POLR2F: variants seen among roughly 807,000 people sequenced by gnomAD.
POLR2F encodes DNA-directed RNA polymerases I, II, and III subunit RPABC2.
In POLR2F, 12 loss-of-function variants were observed where a neutral mutation model predicts 22.7. The observed-to-expected ratio is 0.53, with a 90% CI of 0.34 to 0.86. POLR2F has a LOEUF of 0.86. POLR2F is among the 40% of genes least tolerant of loss of function. The pLI, the probability that POLR2F is intolerant of heterozygous loss-of-function variation, is 0.02. For synonymous variants in POLR2F, 57 were observed against 66.0 expected, an observed-to-expected ratio of 0.86 and a Z score of 0.66; for missense variants, 126 against 171.5, an observed-to-expected ratio of 0.73 and a Z score of 1.48.
chr22:38,038,670 C>T (rs2085139994), intron 5 of POLR2F, among the ~76,000 whole-genome samples: 1 of 152,104 alleles, frequency 6.6e-6, no homozygotes, highest in Non-Finnish European at 1.5e-5. Flanking sequence ...AACATGGCTT[C>T]TGGGCATTGG....
At chr22:37,971,316 C>T (rs1451399174), downstream of POLR2F, 6 of 470,828 alleles carry the variant, frequency 1.3e-5, no homozygotes, top group East Asian at 6.9e-5. Flanking sequence ...ATTGAGATAA[C>T]GATCGGACCT....
chr22:38,005,568 C>T (rs1386264204), intron 1 of POLR2F, among the ~76,000 whole-genome samples: 3 of 152,198 alleles, frequency 2.0e-5, no homozygotes, highest in African/African-American at 7.2e-5. Flanking sequence ...GCCTGGGGGC[C>T]AGAGAGGAGA....
At position 37,968,559 on chromosome 22, in the gene POLR2F, G is replaced by A. The variant is rs1443913682; in HGVS notation, c.*844G>A. ...CAGAGCTGGAGTTCCCCCTTCCTCT[G>A]CCTGAGGTTCTAATGGGTCCTCTTC... On this transcript the variant is annotated 3_prime_UTR_variant, in exon 5 of 5. Transcript: ENST00000442738. 4 of 985,656 alleles carry A rather than the reference G, an allele frequency of 4.1e-6. No individual in the cohort carries two copies. The highest frequency in any genetic ancestry group is 4.8e-6 in the Non-Finnish European group (4 of 830,220). 61.1% of individuals were successfully genotyped at this position (985,656 alleles called of 1,614,324 possible).
In POLR2F at chr22:37,999,620, G is replaced by A. The variant is rs189766066; in HGVS notation, c.120+13308G>A. 2.6e-5 allele frequency among the ~76,000 whole-genome samples: 4 copies of A among 152,260 alleles called. No individual in the cohort carries two copies. In the South Asian group the frequency reaches 8.3e-4, roughly 32 times the overall value. On this transcript the variant is annotated intron_variant, in intron 1 of 2. Coordinates refer to the POLR2F transcript ENST00000333418. ...CCCAGGGCCTCAGGCTGGCCACCGA[G>A]CCGAAATGAGCCTAGACTCTGTGGG...
At chr22:37,987,525 A>T in intron 1 of POLR2F, 1 of 353,338 alleles carries the variant, frequency 2.8e-6, no homozygotes, top group South Asian at 2.1e-5. Flanking sequence ...ACGTGGGGCG[A>T]TGGTCACCCT....
At chr22:38,001,708 T>C (rs1165907590) in intron 1 of POLR2F, among the ~76,000 whole-genome samples, 1 of 151,768 alleles carries the variant, frequency 6.6e-6, no homozygotes, top group African/African-American at 2.4e-5. Flanking sequence ...AATTTTTGTA[T>C]TTTTAGTAGA....
chr22:38,018,386 T>C (rs377160858), intron 1 of POLR2F, among the ~76,000 whole-genome samples: 3 of 152,122 alleles, frequency 2.0e-5, no homozygotes, highest in African/African-American at 7.2e-5. Flanking sequence ...AGAGTAAATA[T>C]TCATTTTTGG....
chr22:37,963,367 C>G (rs144781732), intron 3 of POLR2F, among the ~76,000 whole-genome samples: 3 of 152,212 alleles, frequency 2.0e-5, no homozygotes, highest in African/African-American at 7.2e-5. Flanking sequence ...TAGCTCACTG[C>G]AGCCTCAAAA....
At chr22:38,033,817 G>A (rs1272852432) in intron 5 of POLR2F, among the ~76,000 whole-genome samples, 1 of 152,178 alleles carries the variant, frequency 6.6e-6, no homozygotes, top group Non-Finnish European at 1.5e-5. Context: ...GACAGTGCCC[G>A]TGGAAGGGCC....
intron 1 of POLR2F, chr22:37,988,345 A>AG (rs1932644609): frequency 6.7e-6 from 1 of 149,770 alleles, no homozygotes; most frequent in Non-Finnish European, 1.5e-5. Flanking sequence ...AAAAAAAAAA[A>AG]AAGAAAAAAA....
rs1244794631 is a variant in POLR2F at position 37,967,758 on chromosome 22, T to C, written c.*43T>C. On this transcript the variant is annotated 3_prime_UTR_variant, in exon 5 of 5. Coordinates refer to ENST00000442738, the MANE Select transcript of POLR2F (RefSeq NM_021974.5). ...GCCCTTGCCCCATGCCCAATTTTCA[T>C]TCTCACTTTATATGTGTAAATAATA... The C allele has an allele frequency of 1.3e-6, 2 of 1,590,746 alleles. No individual in the cohort carries two copies. The highest frequency in any genetic ancestry group is 2.3e-5 in the South Asian group (2 of 87,498).
At chr22:38,041,509 T>A, downstream of POLR2F, 1 of 237,962 alleles carries the variant, frequency 4.2e-6, no homozygotes, top group Non-Finnish European at 8.3e-6. Flanking sequence ...GGTCAAGTAA[T>A]AACGACAGTA....
At chr22:38,020,232 C>CACACACAT (rs1555945806) in intron 1 of POLR2F, among the ~76,000 whole-genome samples, 1 of 148,220 alleles carries the variant, frequency 6.7e-6, no homozygotes, top group Non-Finnish European at 1.5e-5. Flanking sequence ...CACACACACA[C>CACACACAT]ACATACATAT....
At chr22:38,006,441 C>G (rs1458095538) in intron 1 of POLR2F, among the ~76,000 whole-genome samples, 1 of 152,160 alleles carries the variant, frequency 6.6e-6, no homozygotes, top group African/African-American at 2.4e-5. Context: ...CCTCCAGCCG[C>G]TCACTCAGCA....
At chr22:38,040,845 C>T (rs2085165213) in intron 5 of POLR2F, 11 of 633,676 alleles carry the variant, frequency 1.7e-5, no homozygotes, top group Non-Finnish European at 2.7e-5. Flanking sequence ...ACACGGTCAG[C>T]GCTCTGTAAT....
At chr22:37,983,654 G>C (rs747377284), upstream of POLR2F, 61 of 1,594,206 alleles carry the variant, frequency 3.8e-5, no homozygotes, top group East Asian at 7.7e-4. This position sits in a 1 kb window ranked among gnomAD's most constrained non-coding sequence, Gnocchi z 9.5. Context: ...CCCCGGGCTG[G>C]CTCGCAGGCC....
At chr22:37,992,381 T>C (rs1213814922) in intron 1 of POLR2F, among the ~76,000 whole-genome samples, 4 of 152,034 alleles carry the variant, frequency 2.6e-5, no homozygotes, top group Non-Finnish European at 4.4e-5. Context: ...AGAGTAGTCA[T>C]TGCTTCTTCT....
At chr22:37,961,314 C>CA (rs2145738862) in intron 3 of POLR2F, among the ~76,000 whole-genome samples, 1 of 152,222 alleles carries the variant, frequency 6.6e-6, no homozygotes. Flanking sequence ...CCTCAGCTCC[C>CA]AAAGTGCTGG....
At chr22:38,035,259 C>T (rs1368195543) in intron 5 of POLR2F, among the ~76,000 whole-genome samples, 3 of 152,206 alleles carry the variant, frequency 2.0e-5, no homozygotes, top group Non-Finnish European at 4.4e-5. Flanking sequence ...TAACTGTTAA[C>T]AACAGGCGCC....
Sources: allele counts gnomAD v4.1 joint callset (sites outside exome capture counted in the v4.1 genomes callset), GRCh38; gene constraint gnomAD v4.1.1; non-coding constraint Gnocchi (gnomAD v3.1); transcripts MANE v1.5; gene names NCBI Gene and HGNC (gene_info 2026-07-23, HGNC 2026-07-21).